The following RBFOX3 variants were observed in gnomAD, a reference collection of about 807,000 sequenced individuals.
RBFOX3 encodes the protein RNA binding fox-1 homolog 3.
Under a neutral mutation model 48.7 loss-of-function variants are expected in RBFOX3, and 17 were observed. That is an observed-to-expected ratio of 0.35 (90% CI 0.24 to 0.52). The LOEUF (loss-of-function observed/expected upper bound fraction) is 0.52. RBFOX3 is among the 20% of genes least tolerant of loss of function. The pLI is 0.94. For missense variants in RBFOX3, 382 were observed against 497.5 expected (o/e 0.77, Z 2.21); for synonymous variants, 212 against 209.5 (o/e 1.01, Z -0.10).
chr17:79,549,662 T>C (rs1599125201), intron 1 of RBFOX3, among the ~76,000 whole-genome samples: 2 of 152,118 alleles, frequency 1.3e-5, no homozygotes, highest in Non-Finnish European at 2.9e-5. Context: ...CTGTGGGCAC[T>C]GGGGAAGGAG....
rs144786274 is a variant in RBFOX3, at chr17:79,107,043, G to A, written c.223-255C>T. On this transcript the variant is annotated intron_variant, in intron 5 of 14. Transcript: ENST00000693108. Reference sequence around the variant, plus strand: ...GTGCAGGTGAGGCCGCCTCCCTCCCGCCATCCCAGTGCAAGGCCTCCTGGC... The same window carrying A: ...GTGCAGGTGAGGCCGCCTCCCTCCCACCATCCCAGTGCAAGGCCTCCTGGC... Among the ~76,000 whole-genome samples, 292 of 152,256 alleles carry A rather than the reference G, an allele frequency of 1.9e-3. 1 individual carries two copies. The highest frequency in any genetic ancestry group is 6.5e-3 in the African/African-American group (272 of 41,556).
intron 1 of RBFOX3, among the ~76,000 whole-genome samples, chr17:79,512,929 A>G (rs1418468930): frequency 9.6e-5 from 13 of 135,366 alleles, no homozygotes; most frequent in African/African-American, 2.8e-4. Flanking sequence ...ATGCAGATAC[A>G]TGTTACCATC....
intron 3 of RBFOX3, among the ~76,000 whole-genome samples, chr17:79,289,343 G>C (rs542917991): frequency 6.6e-6 from 1 of 152,210 alleles, no homozygotes; most frequent in Non-Finnish European, 1.5e-5. Context: ...TTCTGCCCCG[G>C]CCCTTAGTGT....
chr17:79,487,706 T>C (rs2079842329), intron 1 of RBFOX3, among the ~76,000 whole-genome samples: 1 of 151,774 alleles, frequency 6.6e-6, no homozygotes, highest in African/African-American at 2.4e-5. Flanking sequence ...GGTCAGGAGT[T>C]TGAGACCATC....
the RBFOX3 span, among the ~76,000 whole-genome samples, chr17:79,620,547 A>G: frequency 6.7e-6 from 1 of 148,374 alleles, no homozygotes. Context: ...GCACACACGC[A>G]TGCACACATG....
intron 4 of RBFOX3, among the ~76,000 whole-genome samples, chr17:79,169,971 G>T (rs1430857585): frequency 6.6e-6 from 1 of 151,282 alleles, no homozygotes; most frequent in African/African-American, 2.4e-5. Context: ...GAGAGAGGAA[G>T]AGGAGAGAGT....
intron 2 of RBFOX3, among the ~76,000 whole-genome samples, chr17:79,375,384 C>CACACAA (rs2059102362): frequency 6.6e-6 from 1 of 151,734 alleles, no homozygotes; most frequent in Non-Finnish European, 1.5e-5. Context: ...CACACACACA[C>CACACAA]ACACACACAC....
At chr17:79,132,200 C>T (rs775087737) in intron 4 of RBFOX3, among the ~76,000 whole-genome samples, 3 of 131,368 alleles carry the variant, frequency 2.3e-5, no homozygotes, top group Non-Finnish European at 3.1e-5. Context: ...GGCTGCTGGC[C>T]AGCTGGGGCT....
intron 2 of RBFOX3, among the ~76,000 whole-genome samples, chr17:79,313,323 C>T (rs943302584): frequency 6.6e-6 from 1 of 152,206 alleles, no homozygotes; most frequent in Non-Finnish European, 1.5e-5. Flanking sequence ...GATGTCCTCA[C>T]AAACGTCCAG....
intron 3 of RBFOX3, among the ~76,000 whole-genome samples, chr17:79,265,877 A>G (rs1222955290): frequency 6.6e-6 from 1 of 152,112 alleles, no homozygotes; most frequent in Non-Finnish European, 1.5e-5. Flanking sequence ...GGTGGCTCAG[A>G]ACTGGCTTGG....
chr17:79,479,371 C>G lies in RBFOX3; in HGVS notation c.-175+3083G>C, dbSNP rs1204002898. ...CTTCCTTCAGACACCCGCCATCCACCATCCTGAAGGTGAATAAAAGACAGG... is the reference window on the plus strand; with the variant it reads ...CTTCCTTCAGACACCCGCCATCCACGATCCTGAAGGTGAATAAAAGACAGG... On this transcript the variant is annotated intron_variant, in intron 2 of 14. Coordinates refer to ENST00000693108, the MANE Select transcript of RBFOX3 (RefSeq NM_001350451.2). The surrounding 1 kb of genome is among the most constrained non-coding windows in gnomAD (Gnocchi z 5.1). Among the ~76,000 whole-genome samples, 1 of 152,196 alleles carries G rather than the reference C, an allele frequency of 6.6e-6. No homozygotes were observed. Among genetic ancestry groups the G allele is most frequent in the Admixed American group, 6.5e-5 (1 of 15,290 alleles).
chr17:79,228,323 T>A (rs2060575911), intron 4 of RBFOX3, among the ~76,000 whole-genome samples: 1 of 152,176 alleles, frequency 6.6e-6, no homozygotes, highest in South Asian at 2.1e-4. Flanking sequence ...CTCTGCACCG[T>A]GACGCCTCCC....
intron 2 of RBFOX3, among the ~76,000 whole-genome samples, chr17:79,318,456 T>C (rs1331051095): frequency 3.3e-5 from 5 of 152,158 alleles, no homozygotes; most frequent in East Asian, 1.9e-4. Context: ...CTCTCAGCAA[T>C]GCAGTTGAGC....
chr17:79,231,737 T>G (rs1439292801), intron 4 of RBFOX3, among the ~76,000 whole-genome samples: 1 of 152,158 alleles, frequency 6.6e-6, no homozygotes, highest in Admixed American at 6.5e-5. Flanking sequence ...TAAGAAAAGA[T>G]GTTCAATATC....
intron 3 of RBFOX3, among the ~76,000 whole-genome samples, chr17:79,303,241 C>A (rs1436103304): frequency 6.6e-6 from 1 of 152,088 alleles, no homozygotes; most frequent in African/African-American, 2.4e-5. Context: ...TTTTAATTCA[C>A]CAAATTATTT....
At chr17:79,287,211 C>T (rs919967999) in intron 3 of RBFOX3, among the ~76,000 whole-genome samples, 1 of 152,192 alleles carries the variant, frequency 6.6e-6, no homozygotes, top group Non-Finnish European at 1.5e-5. Flanking sequence ...ACCCTCTGCT[C>T]GCTAAGGCGA....
intron 3 of RBFOX3, among the ~76,000 whole-genome samples, chr17:79,237,474 G>A (rs761861410): frequency 1.3e-5 from 2 of 152,212 alleles, no homozygotes; most frequent in Non-Finnish European, 2.9e-5. Context: ...GAGTCAGCTG[G>A]CCCGTCCCCC....
intron 2 of RBFOX3, among the ~76,000 whole-genome samples, chr17:79,461,796 G>A (rs2075401812): frequency 6.6e-6 from 1 of 152,198 alleles, no homozygotes; most frequent in Admixed American, 6.5e-5. Context: ...ATGGGGATTT[G>A]GACAGAGACA....
chr17:79,485,594 A>G (rs34338924), intron 1 of RBFOX3, among the ~76,000 whole-genome samples: 70,192 of 151,918 alleles, frequency 0.46, 17,033 homozygotes, highest in South Asian at 0.58. Flanking sequence ...CGGTGCCCCC[A>G]GCAGCCCCAC....
Sources: allele counts gnomAD v4.1 joint callset (sites outside exome capture counted in the v4.1 genomes callset), GRCh38; gene constraint gnomAD v4.1.1; non-coding constraint Gnocchi (gnomAD v3.1); transcripts MANE v1.5; gene names NCBI Gene and HGNC (gene_info 2026-07-23, HGNC 2026-07-21).